Variants in FRMD3 observed in about 807,000 individuals in gnomAD.
FRMD3 encodes the protein FERM domain containing 3, also known as FERM domain-containing protein 3.
A neutral mutation model predicts 70.2 loss-of-function variants in FRMD3; 33 were observed. The observed-to-expected ratio is 0.47, with a 90% CI of 0.36 to 0.63. FRMD3 has a LOEUF of 0.63. FRMD3 is among the 20% of genes least tolerant of loss of function. The pLI is 0.00. For synonymous variants in FRMD3, 279 were observed against 255.9 expected (o/e 1.09, Z -0.86); for missense variants, 632 against 711.4 (o/e 0.89, Z 1.27).
chr9:83,369,433 G>C (rs1180982009), intron 3 of FRMD3, among the ~76,000 whole-genome samples: 3 of 152,026 alleles, frequency 2.0e-5, no homozygotes, highest in Non-Finnish European at 4.4e-5. Context: ...AAAATTAGCT[G>C]GGTGCGGTGG....
At chr9:83,372,862 T>A (rs1421063155) in intron 3 of FRMD3, 51 bp downstream of exon 3, 1 of 1,493,542 alleles carries the variant, frequency 6.7e-7, no homozygotes, top group Non-Finnish European at 9.3e-7. Flanking sequence ...GGGAACAGTA[T>A]CTATCTTTGG....
chr9:83,420,517 T>G (rs959611236), intron 1 of FRMD3, among the ~76,000 whole-genome samples: 1 of 152,276 alleles, frequency 6.6e-6, no homozygotes, highest in African/African-American at 2.4e-5. Flanking sequence ...ACCTAAAAGA[T>G]ACCTTTGGAT....
In FRMD3 at chr9:83,536,477, C is replaced by G. The variant is rs139173504; in HGVS notation, c.147+1608G>C. Among the ~76,000 whole-genome samples, 241 of 152,308 alleles carry G rather than the reference C, an allele frequency of 1.6e-3. 1 individual carries two copies. Among genetic ancestry groups the G allele is most frequent in the African/African-American group, 5.6e-3 (232 of 41,574 alleles). ...ACACATTCATTATGGGTTAAAGGAC[C>G]TGTACACCCACTTTAGGACTTAAAG... is the stretch of plus-strand genomic sequence containing the variant. On this transcript the variant is annotated intron_variant, in intron 1 of 13. Transcript: ENST00000304195.
Position 83,247,634 on chromosome 9 carries a change from A to G in FRMD3, c.*284T>C. The G allele has an allele frequency of 1.8e-6, 2 of 1,095,020 alleles. No homozygotes were observed. The highest frequency in any genetic ancestry group is 2.2e-6 in the Non-Finnish European group (2 of 890,078). The allele number at this position is 1,095,020 out of a possible 1,614,324, so 67.8% of individuals were successfully genotyped here. ...TCTAATTCAGTCCAATGTAACATGT[A>G]TTATGATATAATAGATGAAGGGTAT... is the stretch of plus-strand genomic sequence containing the variant. On this transcript the variant is annotated 3_prime_UTR_variant, in exon 14 of 14. Coordinates refer to ENST00000304195, the MANE Select transcript of FRMD3 (RefSeq NM_174938.6).
At chr9:83,316,148 CTTTTTTTTTTTTCT>C (rs1463507199) in intron 6 of FRMD3, among the ~76,000 whole-genome samples, 6 of 134,502 alleles carry the variant, frequency 4.5e-5, no homozygotes, top group Admixed American at 7.8e-5. Flanking sequence ...TCTTTTTTCT[CTTTTTTTTTTTTCT>C]TTTTTTTTTT....
chr9:83,450,032 A>G (rs968818337), intron 1 of FRMD3, among the ~76,000 whole-genome samples: 1 of 152,278 alleles, frequency 6.6e-6, no homozygotes, highest in South Asian at 2.1e-4. Context: ...ATGCCCCTCT[A>G]AAAAGCCTAA....
chr9:83,456,131 A>C (rs183971468), intron 1 of FRMD3, among the ~76,000 whole-genome samples: 3 of 152,320 alleles, frequency 2.0e-5, no homozygotes, highest in South Asian at 2.1e-4. Context: ...TTCCACATAG[A>C]CAAGCAACCA....
intron 3 of FRMD3, chr9:83,350,708 G>A: frequency 2.1e-6 from 2 of 943,226 alleles, no homozygotes; most frequent in Non-Finnish European, 2.5e-6. Context: ...ATAACTTTCT[G>A]GTTTCCCTGA....
chr9:83,296,715 A>G (rs1014947744), intron 12 of FRMD3, among the ~76,000 whole-genome samples: 4 of 152,184 alleles, frequency 2.6e-5, no homozygotes, highest in Non-Finnish European at 5.9e-5. Context: ...AGAAGATTCC[A>G]GAAAAGGGAA....
At chr9:83,401,727 A>C (rs1825955914) in intron 1 of FRMD3, among the ~76,000 whole-genome samples, 1 of 152,230 alleles carries the variant, frequency 6.6e-6, no homozygotes, top group South Asian at 2.1e-4. Context: ...GGTGAGTCCC[A>C]CACCAGCTTC....
rs1032290861 is a variant in FRMD3, at chr9:83,393,929, T to TG, written c.148-4222dup. 4.0e-5 allele frequency among the ~76,000 whole-genome samples: 4 copies of TG among 100,618 alleles called. No homozygotes were observed. The East Asian group carries it at 7.4e-4, about 19-fold the overall frequency. 66.0% of individuals were successfully genotyped at this position (100,618 alleles called of 152,430 possible). On this transcript the variant is annotated intron_variant, in intron 1 of 13. Transcript: ENST00000304195. ...TCTATTGTGTGTGTGTTTTTGATTT[T>TG]GTTTTTTTTTGTTGTTGTTGTTTTT...
At position 83,298,596 on chromosome 9, in the gene FRMD3, A is replaced by G. The variant is rs2071359328; in HGVS notation, c.1070+152T>C. 1.6e-5 allele frequency: 10 copies of G among 638,874 alleles called. No homozygotes were observed. The South Asian group carries it at 1.8e-4, about 11-fold the overall frequency. The allele number at this position is 638,874 out of a possible 1,614,324, so 39.6% of individuals were successfully genotyped here. ...AGTGGAGCCCAGCTGTGCTCATGCC[A>G]TGGCCCAGGCAAATCTGTCTGAGTG... is the stretch of plus-strand genomic sequence containing the variant. On this transcript the variant is annotated intron_variant, in intron 12 of 13. Transcript: ENST00000304195.
chr9:83,264,701 T>G (rs988988751), intron 13 of FRMD3, among the ~76,000 whole-genome samples: 3 of 151,800 alleles, frequency 2.0e-5, no homozygotes, highest in African/African-American at 7.3e-5. Context: ...CTATACTGTA[T>G]AGTAATGGAG....
chr9:83,380,854 A>G (rs532041144), intron 2 of FRMD3, among the ~76,000 whole-genome samples: 1 of 152,332 alleles, frequency 6.6e-6, no homozygotes, highest in South Asian at 2.1e-4. Context: ...GGGCTTTTAA[A>G]AAGAATGAAT....
At chr9:83,465,908 T>C (rs1196787044) in intron 1 of FRMD3, among the ~76,000 whole-genome samples, 2 of 152,170 alleles carry the variant, frequency 1.3e-5, no homozygotes, top group South Asian at 4.1e-4. Flanking sequence ...AACTCACAAT[T>C]AGGCTCTTTA....
chr9:83,507,272 C>T (rs554010310), intron 1 of FRMD3, among the ~76,000 whole-genome samples: 6 of 147,880 alleles, frequency 4.1e-5, no homozygotes, highest in African/African-American at 1.5e-4. Flanking sequence ...GAGGCTGAGA[C>T]AGGACAATTG....
At chr9:83,313,556 G>T in intron 7 of FRMD3, 104 bp downstream of exon 7, 1 of 894,504 alleles carries the variant, frequency 1.1e-6, no homozygotes, top group Non-Finnish European at 1.8e-6. Flanking sequence ...CGTGGGCCAA[G>T]CTGTGGGAAA....
chr9:83,297,040 C>A (rs1453649493), intron 12 of FRMD3, among the ~76,000 whole-genome samples: 1 of 152,140 alleles, frequency 6.6e-6, no homozygotes, highest in Non-Finnish European at 1.5e-5. Context: ...CCTTGGTTTC[C>A]ATAAATTATT....
intron 13 of FRMD3, among the ~76,000 whole-genome samples, chr9:83,276,902 G>C (rs111267628): frequency 0.011 from 1,642 of 152,284 alleles, 25 homozygotes; most frequent in African/African-American, 0.033. Context: ...TAGAGATGGG[G>C]TTTCACCATG....
Sources: gnomAD v4.1 joint callset for allele counts (sites outside exome capture counted in the v4.1 genomes callset) on GRCh38, gnomAD v4.1.1 for gene constraint, MANE v1.5 for transcripts, NCBI Gene and HGNC (gene_info 2026-07-23, HGNC 2026-07-21) for gene names.